USH2A: variants seen among roughly 807,000 people sequenced by gnomAD.
USH2A encodes the protein Usher syndrome 2A (autosomal recessive, mild).
In USH2A, 443 loss-of-function variants were observed where a neutral mutation model predicts 538.9. That is an observed-to-expected ratio of 0.82 (90% confidence interval 0.76 to 0.89). The LOEUF is 0.89. Ranked by LOEUF, USH2A falls within the 40% of genes least tolerant of loss-of-function variation. The probability of loss-of-function intolerance (pLI) is 0.00; values close to 1 mark genes in which losing one functional copy is unlikely to be tolerated. For missense variants in USH2A, 6,633 were observed against 6,324.8 expected, an observed-to-expected ratio of 1.05 and a Z score of -1.65; for synonymous variants, 2,413 against 2,273.5, an observed-to-expected ratio of 1.06 and a Z score of -1.75.
In USH2A at chr1:216,292,404, T is replaced by C. The variant is rs572116164; in HGVS notation, c.1645-34A>G. ...AAAAATATCAGAACAGTAAAGAAAA[T>C]AAAGCTGTGATTTTCTTTCATTTTA... On this transcript the variant is annotated intron_variant, in intron 9 of 71. Transcript: ENST00000307340. 6.2e-6 allele frequency: 10 copies of C among 1,603,440 alleles called. No homozygotes were observed. The African/African-American group carries it at 6.7e-5, about 11-fold the overall frequency.
intron 67 of USH2A, among the ~76,000 whole-genome samples, chr1:215,643,480 G>A (rs1183127833): frequency 6.6e-6 from 1 of 151,628 alleles, no homozygotes; most frequent in Non-Finnish European, 1.5e-5. Context: ...GCTAGTCCAG[G>A]TTTAAGCTGC....
In USH2A at chr1:216,267,542, T is replaced by C. The variant is rs114181377; in HGVS notation, c.1972-16444A>G. On this transcript the variant is annotated intron_variant, in intron 11 of 71. Coordinates refer to ENST00000307340, the MANE Select transcript of USH2A (RefSeq NM_206933.4). ...GAATGCTAGAGCACAGAGACACACA[T>C]TAATAATGGAACGGATGGGAGAAGT... 8.3e-3 allele frequency among the ~76,000 whole-genome samples: 1,262 copies of C among 152,132 alleles called. 20 individuals carry two copies. Among genetic ancestry groups the C allele is most frequent in the African/African-American group, 0.029 (1,223 of 41,526 alleles).
At chr1:215,875,995 G>A (rs1460672469) in intron 43 of USH2A, among the ~76,000 whole-genome samples, 2 of 148,870 alleles carry the variant, frequency 1.3e-5, no homozygotes, top group Non-Finnish European at 3.0e-5. Context: ...CTCTATGGAG[G>A]GGGCGGGGGG....
Position 215,791,558 on chromosome 1 carries a change from C to T in USH2A, c.9959-1276G>A, listed in dbSNP as rs929958062. Among the ~76,000 whole-genome samples, 13 of 152,300 alleles carry T rather than the reference C, an allele frequency of 8.5e-5. No homozygotes were observed. The South Asian group carries it at 2.5e-3, about 29-fold the overall frequency. On this transcript the variant is annotated intron_variant, in intron 50 of 71. Coordinates refer to ENST00000307340, the MANE Select transcript of USH2A (RefSeq NM_206933.4). ...TTACAAAAGTCTCTAATATTAAAAA[C>T]TCTTATTTATGATTAATGATATACA...
chr1:215,676,980 A>G (rs1658052252), intron 62 of USH2A, among the ~76,000 whole-genome samples: 1 of 152,058 alleles, frequency 6.6e-6, no homozygotes, highest in African/African-American at 2.4e-5. Context: ...TTATTCCCTC[A>G]TGCTTTTGCT....
Position 216,196,555 on chromosome 1 carries a change from G to C in USH2A, c.4249C>G (p.Gln1417Glu). 6.2e-7 allele frequency: 1 copy of C among 1,613,300 alleles called. No individual in the cohort carries two copies. Among genetic ancestry groups the C allele is most frequent in the Admixed American group, 1.7e-5 (1 of 59,992 alleles). Reference protein sequence around the residue: ...PQQSIPMAFSQLLHTAKSQEL... With the variant: ...PQQSIPMAFSELLHTAKSQEL... ...ACATTAGTTAAAAATAACAATACCT[G>C]TGAAAACGCCATGGGAATAGACTGT... Residue 1417 changes from glutamine to glutamate, a missense_variant and splice_region_variant, in exon 19 of 72, where the codon CAG (glutamine) becomes GAG (glutamate). Transcript: ENST00000307340.
chr1:216,134,323 G>A (rs2033437340), intron 21 of USH2A, among the ~76,000 whole-genome samples: 1 of 152,008 alleles, frequency 6.6e-6, no homozygotes, highest in Non-Finnish European at 1.5e-5. Context: ...AACCCTTCGA[G>A]AATATATCCC....
intron 3 of USH2A, among the ~76,000 whole-genome samples, chr1:216,412,974 T>C (rs2039514483): frequency 6.6e-6 from 1 of 152,124 alleles, no homozygotes; most frequent in Admixed American, 6.6e-5. Context: ...TGCAAATATG[T>C]AACATGTTTA....
rs530722075 is a variant in USH2A at position 216,107,873 on chromosome 1, A to C, written c.4628-10660T>G. On this transcript the variant is annotated intron_variant, in intron 21 of 71. Coordinates refer to ENST00000307340, the MANE Select transcript of USH2A (RefSeq NM_206933.4). ...CTTAACACACATACTATCACAAATT[A>C]ACATTATACTACTTCACATATAAGA... Among the ~76,000 whole-genome samples, 4 of 151,910 alleles carry C rather than the reference A, an allele frequency of 2.6e-5. No homozygotes were observed. In the East Asian group the frequency reaches 7.7e-4, roughly 29 times the overall value.
chr1:216,088,556 CA>C (rs1164836257), intron 23 of USH2A, among the ~76,000 whole-genome samples: 1 of 152,096 alleles, frequency 6.6e-6, no homozygotes, highest in Non-Finnish European at 1.5e-5. Context: ...TAGGCTGGAG[CA>C]AAAACTAAAC....
At chr1:215,801,106 T>A (rs1223176351) in intron 49 of USH2A, among the ~76,000 whole-genome samples, 2 of 151,988 alleles carry the variant, frequency 1.3e-5, no homozygotes, top group African/African-American at 2.4e-5. Flanking sequence ...ATAAATCCAC[T>A]CAAGAAAATA....
intron 20 of USH2A, among the ~76,000 whole-genome samples, chr1:216,183,508 C>T (rs1021217113): frequency 2.6e-5 from 4 of 151,844 alleles, no homozygotes; most frequent in Non-Finnish European, 5.9e-5. Context: ...GGACAACCTA[C>T]GACTCACCAA....
At chr1:215,996,558 ATGTTTTTTTTTTTT>A (rs1558201497) in intron 34 of USH2A, among the ~76,000 whole-genome samples, 7 of 46,070 alleles carry the variant, frequency 1.5e-4, no homozygotes, top group Non-Finnish European at 8.1e-5. Context: ...GCAACATATT[ATGTTTTTTTTTTTT>A]TTTTTTTTTT....
chr1:216,241,704 T>C (rs2035941365), intron 13 of USH2A, among the ~76,000 whole-genome samples: 1 of 152,082 alleles, frequency 6.6e-6, no homozygotes. Context: ...CCAGCTAATT[T>C]TGTATCTTTA....
At chr1:215,954,385 T>C (rs1226829060) in intron 37 of USH2A, among the ~76,000 whole-genome samples, 1 of 151,894 alleles carries the variant, frequency 6.6e-6, no homozygotes, top group Non-Finnish European at 1.5e-5. Context: ...TATGCAGCCA[T>C]AAAAAATGAT....
chr1:215,920,777 C>T (rs1666079440), intron 38 of USH2A, among the ~76,000 whole-genome samples: 1 of 152,042 alleles, frequency 6.6e-6, no homozygotes, highest in South Asian at 2.1e-4. Flanking sequence ...TTTATAGCAT[C>T]AACCATGGGA....
At chr1:216,097,869 C>T (rs1012917823) in intron 21 of USH2A, among the ~76,000 whole-genome samples, 2 of 152,114 alleles carry the variant, frequency 1.3e-5, no homozygotes, top group Non-Finnish European at 2.9e-5. Context: ...TGCCTTCTCC[C>T]TACCATTACA....
intron 63 of USH2A, 79 bp from the exon 64 acceptor site, chr1:215,671,372 T>TAAA: frequency 4.3e-6 from 5 of 1,155,712 alleles, no homozygotes; most frequent in Admixed American, 2.5e-5. Context: ...CACCAGGCCT[T>TAAA]AAAAAAAAAA....
At chr1:215,639,474 T>C (rs187684558) in intron 68 of USH2A, among the ~76,000 whole-genome samples, 17 of 152,354 alleles carry the variant, frequency 1.1e-4, no homozygotes, top group Admixed American at 5.2e-4. Flanking sequence ...TTAGAGCTTA[T>C]ACAGCAAAGG....
Sources: allele counts gnomAD v4.1 joint callset (sites outside exome capture counted in the v4.1 genomes callset), GRCh38; gene constraint gnomAD v4.1.1; transcripts MANE v1.5; gene names NCBI Gene and HGNC (gene_info 2026-07-23, HGNC 2026-07-21).